SRPK2: variants seen among roughly 807,000 people sequenced by gnomAD.
SRPK2 encodes SRSF protein kinase 2.
Under a neutral mutation model 90.8 loss-of-function variants are expected in SRPK2, and 21 were observed. That is an observed-to-expected ratio of 0.23 (90% CI 0.16 to 0.33). The LOEUF (loss-of-function observed/expected upper bound fraction) is 0.33, where lower values mean the gene tolerates loss of function less well. Among genes scored for constraint, SRPK2 ranks in the 10% least tolerant of loss-of-function variants. The pLI is 1.00. For synonymous variants in SRPK2, 288 were observed against 311.1 expected (o/e 0.93, Z 0.78); for missense variants, 620 against 869.0 (o/e 0.71, Z 3.60).
upstream of SRPK2, among the ~76,000 whole-genome samples, chr7:105,393,384 G>T (rs1302377351): frequency 6.6e-6 from 1 of 151,504 alleles, no homozygotes; most frequent in Non-Finnish European, 1.5e-5. Flanking sequence ...CGCCCACCTT[G>T]GCCTCCCAAA....
intron 2 of SRPK2, among the ~76,000 whole-genome samples, chr7:105,300,889 G>A (rs567664962): frequency 5.3e-5 from 8 of 152,196 alleles, no homozygotes; most frequent in Non-Finnish European, 1.2e-4. Flanking sequence ...AGGATGTGGA[G>A]AAAACAGGAA....
chr7:105,262,914 T>C (rs904711915), intron 2 of SRPK2, among the ~76,000 whole-genome samples: 1 of 152,204 alleles, frequency 6.6e-6, no homozygotes, highest in Admixed American at 6.5e-5. Context: ...GGTGGAAGTA[T>C]AGAGTGGTAC....
At chr7:105,388,980 C>CCCCGCCCCCGCCCCGCCCCCA (rs1822014024), upstream of SRPK2, 1 of 831,660 alleles carries the variant, frequency 1.2e-6, no homozygotes, top group Non-Finnish European at 1.5e-6. Flanking sequence ...CCCCGTCCGG[C>CCCCGCCCCCGCCCCGCCCCCA]CCCGCCCCCG....
At chr7:105,285,379 C>T (rs1370859505) in intron 2 of SRPK2, among the ~76,000 whole-genome samples, 2 of 97,900 alleles carry the variant, frequency 2.0e-5, no homozygotes, top group Middle Eastern at 8.2e-3. Flanking sequence ...AGTGAGACCC[C>T]GTCTCCAAAA....
chr7:105,398,381 C>CTT lies in SRPK2; in HGVS notation n.153+773_153+774dup, dbSNP rs1183621196. ...CTTTAATGGATGAAAACCCAGCCTC[C>CTT]TTTTTTTTTTTTTTTTTTTGAGACG... On this transcript the variant is annotated intron_variant and non_coding_transcript_variant, in intron 1 of 3. Transcript: ENST00000462282. 1.2e-3 allele frequency among the ~76,000 whole-genome samples: 159 copies of CTT among 135,090 alleles called. 2 individuals carry two copies. The highest frequency in any genetic ancestry group is 3.7e-3 in the African/African-American group (136 of 37,112). The allele number at this position is 135,090 out of a possible 152,430, so 88.6% of individuals were successfully genotyped here.
chr7:105,381,348 A>G (rs866935885), intron 2 of SRPK2, among the ~76,000 whole-genome samples: 39 of 152,304 alleles, frequency 2.6e-4, no homozygotes, highest in Admixed American at 1.6e-3. Flanking sequence ...AGGCCAAGGC[A>G]GGTAGATCAT....
rs1418320548 is a variant in SRPK2 at position 105,116,468 on chromosome 7, C to CA, written c.*1369dup. The CA allele has an allele frequency of 1.3e-5, 2 of 152,464 alleles. No homozygotes were observed. The highest frequency in any genetic ancestry group is 4.8e-5 in the African/African-American group (2 of 41,412). 9.4% of individuals were successfully genotyped at this position (152,464 alleles called of 1,614,324 possible). Reference sequence around the variant, plus strand: ...TGTTACAACACTTGTTAGCTTTTCACAATCTAGTTATTGCAAAGGCATATG... The same window carrying CA: ...TGTTACAACACTTGTTAGCTTTTCACAAATCTAGTTATTGCAAAGGCATATG... On this transcript the variant is annotated 3_prime_UTR_variant, in exon 16 of 16. Coordinates refer to ENST00000393651, the MANE Select transcript of SRPK2 (RefSeq NM_182692.3).
chr7:105,337,317 A>ATTTTT (rs773258549), intron 2 of SRPK2, among the ~76,000 whole-genome samples: 29 of 136,606 alleles, frequency 2.1e-4, no homozygotes, highest in South Asian at 7.0e-4. Context: ...TCATGAAGGG[A>ATTTTT]TTTTTTTTTT....
intron 2 of SRPK2, among the ~76,000 whole-genome samples, chr7:105,222,644 T>TA (rs1235367410): frequency 1.3e-5 from 2 of 152,232 alleles, no homozygotes; most frequent in Admixed American, 6.5e-5. Context: ...TTTCCATCAT[T>TA]AGTTACATTT....
chr7:105,119,496 C>T (rs763693570), intron 15 of SRPK2, among the ~76,000 whole-genome samples: 6 of 152,012 alleles, frequency 3.9e-5, no homozygotes, highest in Non-Finnish European at 8.8e-5. Flanking sequence ...CACAGGGTTC[C>T]GTATAAAGAA....
rs61280887 is a variant in SRPK2, at chr7:105,223,418, C to G, written c.72-19633G>C. 2.5e-3 allele frequency among the ~76,000 whole-genome samples: 378 copies of G among 152,312 alleles called. 1 individual carries two copies. Among genetic ancestry groups the G allele is most frequent in the African/African-American group, 8.8e-3 (365 of 41,566 alleles). ...CACTTTGTCCCTGACATACATACCT[C>G]CCTGCCCAAGTGTCAAAAAATTAAA... On this transcript the variant is annotated intron_variant, in intron 2 of 15. Transcript: ENST00000393651.
At chr7:105,354,425 C>G (rs1434535637) in intron 2 of SRPK2, among the ~76,000 whole-genome samples, 1 of 152,206 alleles carries the variant, frequency 6.6e-6, no homozygotes, top group African/African-American at 2.4e-5. Flanking sequence ...ACGAATCACT[C>G]CAGGTAGTAG....
At chr7:105,324,266 C>T (rs528722520) in intron 2 of SRPK2, among the ~76,000 whole-genome samples, 17 of 152,040 alleles carry the variant, frequency 1.1e-4, no homozygotes, top group Admixed American at 2.0e-4. Flanking sequence ...CTCAGCCTCC[C>T]AAAGTGCTGG....
intron 2 of SRPK2, among the ~76,000 whole-genome samples, chr7:105,238,444 T>C (rs1800397318): frequency 6.6e-6 from 1 of 152,150 alleles, no homozygotes; most frequent in African/African-American, 2.4e-5. Context: ...CCACTGGTGG[T>C]GACTCTCCAA....
chr7:105,228,702 A>G (rs983805049), intron 2 of SRPK2, among the ~76,000 whole-genome samples: 17 of 152,136 alleles, frequency 1.1e-4, no homozygotes, highest in African/African-American at 4.1e-4. Context: ...ATGAGCTGCT[A>G]ACACACTGCT....
chr7:105,245,575 C>G (rs1801536263), intron 2 of SRPK2, among the ~76,000 whole-genome samples: 1 of 152,000 alleles, frequency 6.6e-6, no homozygotes, highest in African/African-American at 2.4e-5. Context: ...CAGATGAAAG[C>G]AGTACAGCGA....
At chr7:105,123,650 A>G (rs1375347057) in intron 15 of SRPK2, among the ~76,000 whole-genome samples, 1 of 152,184 alleles carries the variant, frequency 6.6e-6, no homozygotes, top group Non-Finnish European at 1.5e-5. Context: ...GCAGCAAGCC[A>G]TTCCCCTCAT....
intron 2 of SRPK2, among the ~76,000 whole-genome samples, chr7:105,331,791 C>G (rs1283280824): frequency 6.6e-6 from 1 of 152,118 alleles, no homozygotes; most frequent in Non-Finnish European, 1.5e-5. Context: ...GGAACACGAA[C>G]TTAGGAGGGA....
chr7:105,314,198 A>T (rs1420488149), intron 2 of SRPK2, among the ~76,000 whole-genome samples: 7 of 151,894 alleles, frequency 4.6e-5, no homozygotes, highest in African/African-American at 1.7e-4. Context: ...CGGGGGTCAT[A>T]GCACATGCCT....
Sources: gnomAD v4.1 joint callset for allele counts (sites outside exome capture counted in the v4.1 genomes callset) on GRCh38, gnomAD v4.1.1 for gene constraint, MANE v1.5 for transcripts, NCBI Gene and HGNC (gene_info 2026-07-23, HGNC 2026-07-21) for gene names.